The following LRCH3 variants were observed in gnomAD, a reference collection of about 807,000 sequenced individuals.
The protein encoded by LRCH3 is DISP complex protein LRCH3.
A neutral mutation model predicts 104.5 loss-of-function variants in LRCH3; 68 were observed. That is an observed-to-expected ratio of 0.65 (90% CI 0.54 to 0.80). The LOEUF is 0.80. Among genes scored for constraint, LRCH3 ranks in the 30% least tolerant of loss-of-function variants. The pLI, the probability that LRCH3 is intolerant of heterozygous loss-of-function variation, is 0.00. For synonymous variants in LRCH3, 344 were observed against 361.3 expected, an observed-to-expected ratio of 0.95 and a Z score of 0.54; for missense variants, 951 against 953.9, an observed-to-expected ratio of 1.00 and a Z score of 0.04.
chr3:197,798,193 T>G (rs1038957519), intron 1 of LRCH3, among the ~76,000 whole-genome samples: 4 of 151,914 alleles, frequency 2.6e-5, no homozygotes, highest in Non-Finnish European at 5.9e-5. Flanking sequence ...TCTGGGAGAT[T>G]GAGGGTGCAG....
chr3:197,867,234 G>T (rs1031942425), intron 17 of LRCH3, among the ~76,000 whole-genome samples: 1 of 151,924 alleles, frequency 6.6e-6, no homozygotes, highest in Non-Finnish European at 1.5e-5. Flanking sequence ...CCAAGATGGC[G>T]CCACTATACT....
intron 20 of LRCH3, chr3:197,881,429 G>C (rs1034811086): frequency 2.8e-5 from 28 of 985,422 alleles, no homozygotes; most frequent in Non-Finnish European, 3.1e-5. Flanking sequence ...AGATGGGCTG[G>C]AGCTGGCCTC....
intron 1 of LRCH3, among the ~76,000 whole-genome samples, chr3:197,796,127 A>G (rs953573159): frequency 3.3e-5 from 5 of 152,228 alleles, no homozygotes; most frequent in African/African-American, 7.2e-5. Context: ...TGAGGAAGCT[A>G]GATAGCCAAT....
At chr3:197,800,775 A>G (rs1731794512) in intron 1 of LRCH3, among the ~76,000 whole-genome samples, 1 of 152,154 alleles carries the variant, frequency 6.6e-6, no homozygotes. Flanking sequence ...AGTGATGATC[A>G]CCAGTAGAAT....
rs1420029982 is a variant in LRCH3 at position 197,817,718 on chromosome 3, G to T, written c.534+416G>T. 2.6e-5 allele frequency among the ~76,000 whole-genome samples: 4 copies of T among 152,012 alleles called. No homozygotes were observed. In the East Asian group the frequency reaches 7.7e-4, roughly 29 times the overall value. On this transcript the variant is annotated intron_variant, in intron 3 of 20. Coordinates refer to ENST00000425562, the MANE Select transcript of LRCH3 (RefSeq NM_001365715.1). Reference sequence around the variant, plus strand: ...TGATTTTTGATTAGCTCCTGTAGGGGAATGGCACTACAAAGGTCAGGTTTA... The same window carrying T: ...TGATTTTTGATTAGCTCCTGTAGGGTAATGGCACTACAAAGGTCAGGTTTA...
chr3:197,822,331 C>G (rs1390570144), intron 4 of LRCH3, among the ~76,000 whole-genome samples: 1 of 151,984 alleles, frequency 6.6e-6, no homozygotes, highest in African/African-American at 2.4e-5. Context: ...AAATTTCTCC[C>G]TAGGGTTACC....
chr3:197,847,376 GTTTTTTTCTTT>G (rs1738887816), intron 10 of LRCH3, 22 bp from the exon 11 acceptor site: 1 of 1,557,510 alleles, frequency 6.4e-7, no homozygotes, highest in Admixed American at 2.2e-5. Flanking sequence ...TTATCAAAGA[GTTTTTTTCTTT>G]CTTTTTTCTT....
At chr3:197,821,675 A>G (rs1282016037) in intron 4 of LRCH3, among the ~76,000 whole-genome samples, 1 of 152,148 alleles carries the variant, frequency 6.6e-6, no homozygotes, top group East Asian at 1.9e-4. Flanking sequence ...GTGTACAATC[A>G]ATATTTTGTT....
At chr3:197,808,901 G>A (rs11721129) in intron 1 of LRCH3, among the ~76,000 whole-genome samples, 7 of 150,714 alleles carry the variant, frequency 4.6e-5, no homozygotes, top group Non-Finnish European at 3.0e-5. Flanking sequence ...GACTGTCTCA[G>A]AAAAAAAAAG....
intron 19 of LRCH3, among the ~76,000 whole-genome samples, chr3:197,873,325 A>G (rs1267809527): frequency 2.0e-5 from 3 of 152,334 alleles, no homozygotes; most frequent in African/African-American, 7.2e-5. Flanking sequence ...CAAAACTTAC[A>G]GATGTAATAT....
intron 10 of LRCH3, among the ~76,000 whole-genome samples, chr3:197,845,340 G>A (rs1033541081): frequency 6.6e-6 from 1 of 151,170 alleles, no homozygotes; most frequent in Non-Finnish European, 1.5e-5. Context: ...TCTGGGAGGT[G>A]GAGGTCTCAG....
intron 8 of LRCH3, among the ~76,000 whole-genome samples, chr3:197,833,246 G>A (rs535070793): frequency 6.3e-4 from 95 of 151,942 alleles, no homozygotes; most frequent in African/African-American, 2.3e-3. Flanking sequence ...TAGGCTGGGC[G>A]TGGTGGCTCA....
intron 1 of LRCH3, among the ~76,000 whole-genome samples, chr3:197,812,504 GTTTTTTT>G (rs71623380): frequency 0.011 from 549 of 48,980 alleles, 27 homozygotes; most frequent in Admixed American, 0.025. Flanking sequence ...TCTGCTTTCA[GTTTTTTT>G]TTTTTTTTTT....
chr3:197,841,816 G>GT (rs919819916), intron 10 of LRCH3, among the ~76,000 whole-genome samples: 2 of 117,916 alleles, frequency 1.7e-5, no homozygotes, highest in African/African-American at 7.3e-5. Flanking sequence ...TACATGTTTT[G>GT]TTTTGTTTTG....
At chr3:197,862,069 A>T (rs926620754) in intron 15 of LRCH3, among the ~76,000 whole-genome samples, 1 of 152,116 alleles carries the variant, frequency 6.6e-6, no homozygotes, top group Non-Finnish European at 1.5e-5. Context: ...ATCTCAGCTC[A>T]CTACAAACCT....
chr3:197,835,649 G>A, intron 8 of LRCH3, 25 bp from the exon 9 acceptor site: 2 of 1,594,938 alleles, frequency 1.3e-6, no homozygotes, highest in South Asian at 1.1e-5. Context: ...GTGTGTGTGT[G>A]TGGGTGTGTG....
At chr3:197,879,312 C>T (rs1285515819) in intron 20 of LRCH3, among the ~76,000 whole-genome samples, 1 of 152,160 alleles carries the variant, frequency 6.6e-6, no homozygotes, top group African/African-American at 2.4e-5. Flanking sequence ...AACAGCTCTG[C>T]CTTCATTTTG....
intron 19 of LRCH3, among the ~76,000 whole-genome samples, chr3:197,873,254 T>A (rs1313780369): frequency 1.3e-5 from 2 of 152,232 alleles, no homozygotes; most frequent in African/African-American, 4.8e-5. Flanking sequence ...TGACGTTTCT[T>A]GCATTTTGCC....
rs1036579810 is a variant in LRCH3, at chr3:197,883,337, T to A, written c.2209-204T>A. ...TTTTGAAAATGATCTGTATGTACTT[T>A]TAGTTGTATTAATAAAGTGACAGTG... On this transcript the variant is annotated intron_variant, in intron 20 of 20. Coordinates refer to ENST00000425562, the MANE Select transcript of LRCH3 (RefSeq NM_001365715.1). This position sits in a 1 kb window ranked among gnomAD's most constrained non-coding sequence, Gnocchi z 4.2. The A allele has an allele frequency of 2.9e-6, 4 of 1,371,252 alleles. No individual in the cohort carries two copies. In the East Asian group the frequency reaches 1.1e-4, roughly 39 times the overall value. The allele number at this position is 1,371,252 out of a possible 1,614,324, so 84.9% of individuals were successfully genotyped here. A position where few individuals can be genotyped will look rare whatever the true frequency, so the allele number is the denominator to read the frequency against.
Sources: allele counts gnomAD v4.1 joint callset (sites outside exome capture counted in the v4.1 genomes callset), GRCh38; gene constraint gnomAD v4.1.1; non-coding constraint Gnocchi (gnomAD v3.1); transcripts MANE v1.5; gene names NCBI Gene and HGNC (gene_info 2026-07-23, HGNC 2026-07-21).